The following RREB1 variants were observed in gnomAD, a reference collection of about 807,000 sequenced individuals.
The protein encoded by RREB1 is ras responsive element binding protein 1, also known as ras-responsive element-binding protein 1.
In RREB1, 27 loss-of-function variants were observed where a neutral mutation model predicts 117.8. That is an observed-to-expected ratio of 0.23 (90% CI 0.17 to 0.32). RREB1 has a LOEUF of 0.32. Ranked by LOEUF, RREB1 falls within the 10% of genes least tolerant of loss-of-function variation. The pLI is 1.00. For synonymous variants in RREB1, 1,298 were observed against 1,026.7 expected, an observed-to-expected ratio of 1.26 and a Z score of -5.05; for missense variants, 2,577 against 2,378.2, an observed-to-expected ratio of 1.08 and a Z score of -1.74.
At position 7,247,006 on chromosome 6, in the gene RREB1, C is replaced by G. The variant is rs556832534; in HGVS notation, c.4556C>G (p.Ala1519Gly). ...GCCCCGGGTGCCGGGGAGGCCCCGG[C>G]GGAAAAGCTCGCGGAGGAGACGGAG... ...ESAPGAGEAP[A>G]EKLAEETEGP... is the part of the protein sequence containing the mutation. The change falls in exon 12 of 13, where the codon GCG becomes GGG. Residue 1519 changes from alanine (A) to glycine (G), a missense_variant. Ala to Gly is a moderately conservative substitution (Grantham distance 60). Coordinates refer to ENST00000379938, the MANE Select transcript of RREB1 (RefSeq NM_001003699.4). 3.1e-4 allele frequency: 497 copies of G among 1,605,390 alleles called. 3 individuals carry two copies. In the South Asian group the frequency reaches 5.1e-3, roughly 17 times the overall value.
intron 1 of RREB1, among the ~76,000 whole-genome samples, chr6:7,111,510 T>A (rs1233562339): frequency 6.6e-6 from 1 of 152,222 alleles, no homozygotes; most frequent in Admixed American, 6.5e-5. Flanking sequence ...GGTCATAGGA[T>A]AAGGGTTGCT....
At chr6:7,215,423 C>T (rs960330481) in intron 8 of RREB1, 1 of 152,190 alleles carries the variant, frequency 6.6e-6, no homozygotes, top group African/African-American at 2.4e-5. Context: ...TGCACCTTGA[C>T]CTCCCAGGCT....
chr6:7,214,741 C>T (rs927895483), intron 8 of RREB1: 2 of 152,232 alleles, frequency 1.3e-5, no homozygotes, highest in Non-Finnish European at 2.9e-5. Flanking sequence ...GGATGCTACC[C>T]GCTTAGACTG....
rs753324096 is a variant in RREB1, at chr6:7,248,618, G to T, written c.4879G>T (p.Gly1627Trp). The change falls in exon 13 of 13, where the codon GGG becomes TGG. Residue 1627 changes from glycine (G) to tryptophan (W), a missense_variant. Transcript: ENST00000379938. ...HQKARHAKHH[G>W]KDSDKEERGE... ...GAAAGCCAGGCATGCCAAACACCAC[G>T]GGAAGGACAGCGACAAGGAAGAGCG... 6.2e-7 allele frequency: 1 copy of T among 1,614,250 alleles called. No individual in the cohort carries two copies.
Position 7,249,298 on chromosome 6 carries a change from A to G in RREB1, c.*330A>G, listed in dbSNP as rs1195757834. 1 of 289,394 alleles carries G rather than the reference A, an allele frequency of 3.5e-6. No individual in the cohort carries two copies. Among genetic ancestry groups the G allele is most frequent in the Non-Finnish European group, 6.4e-6 (1 of 155,172 alleles). 17.9% of individuals were successfully genotyped at this position (289,394 alleles called of 1,614,324 possible). ...TGAATTGTCTGGAGAGGACCTCTTC[A>G]TTTGAGCATTAGCGTTATTTTGTAT... is the stretch of plus-strand genomic sequence containing the variant. On this transcript the variant is annotated 3_prime_UTR_variant, in exon 13 of 13. Coordinates refer to ENST00000379938, the MANE Select transcript of RREB1 (RefSeq NM_001003699.4).
chr6:7,114,845 C>T (rs1049612999), intron 1 of RREB1, among the ~76,000 whole-genome samples: 6 of 152,158 alleles, frequency 3.9e-5, no homozygotes, highest in African/African-American at 1.4e-4. Flanking sequence ...TCATCTACTT[C>T]TAAAACAAAC....
intron 6 of RREB1, among the ~76,000 whole-genome samples, chr6:7,210,128 A>G (rs1766502717): frequency 6.6e-6 from 1 of 152,248 alleles, no homozygotes; most frequent in African/African-American, 2.4e-5. Context: ...GTAGACATGC[A>G]CATATTTTAT....
chr6:7,171,310 G>A (rs1396971639), intron 1 of RREB1, among the ~76,000 whole-genome samples: 1 of 152,178 alleles, frequency 6.6e-6, no homozygotes, highest in East Asian at 1.9e-4. Context: ...GGTGAAGGGG[G>A]AGGAGAGCAC....
chr6:7,120,754 C>A (rs1303254564), intron 1 of RREB1, among the ~76,000 whole-genome samples: 3 of 151,546 alleles, frequency 2.0e-5, no homozygotes, highest in Non-Finnish European at 4.4e-5. Context: ...CCAAGTGATC[C>A]TCCCACCTCA....
intron 8 of RREB1, chr6:7,218,613 T>G (rs1341388624): frequency 1.3e-5 from 2 of 152,180 alleles, no homozygotes; most frequent in Non-Finnish European, 2.9e-5. Flanking sequence ...GGCTACAGAT[T>G]GCAGATTCCC....
intron 1 of RREB1, among the ~76,000 whole-genome samples, chr6:7,166,074 C>A (rs1763913820): frequency 6.6e-6 from 1 of 152,132 alleles, no homozygotes; most frequent in South Asian, 2.1e-4. Context: ...CAGTTAGACC[C>A]CCCAGGGAGT....
intron 1 of RREB1, among the ~76,000 whole-genome samples, chr6:7,155,364 T>A (rs942159653): frequency 6.6e-6 from 1 of 152,232 alleles, no homozygotes; most frequent in African/African-American, 2.4e-5. Flanking sequence ...TGGAGTGCAG[T>A]GGCACGATCT....
intron 2 of RREB1, among the ~76,000 whole-genome samples, chr6:7,179,573 G>A (rs1325671731): frequency 6.6e-6 from 1 of 152,128 alleles, no homozygotes; most frequent in East Asian, 1.9e-4. Context: ...AAAGAAGGAG[G>A]TGAGTTCAGT....
Position 7,229,653 on chromosome 6 carries a change from G to C in RREB1, c.1554G>C (p.Val518=). 6.2e-7 allele frequency: 1 copy of C among 1,612,264 alleles called. No individual in the cohort carries two copies. Among genetic ancestry groups the C allele is most frequent in the South Asian group, 1.1e-5 (1 of 90,910 alleles). ...AGCCCCTGGTCACACCACGGACGGTGGTGGCCACCTCCACGCCCCCGCCTC... is the reference window on the plus strand; with the variant it reads ...AGCCCCTGGTCACACCACGGACGGTCGTGGCCACCTCCACGCCCCCGCCTC... ...KPKPLVTPRT[V]VATSTPPPLI... is the part of the protein sequence containing the mutation. The change falls in exon 10 of 13, where the codon GTG becomes GTC. Residue 518 remains valine (V), a synonymous_variant. Coordinates refer to ENST00000379938, the MANE Select transcript of RREB1 (RefSeq NM_001003699.4). This position sits in a 1 kb window ranked among gnomAD's most constrained non-coding sequence, Gnocchi z 4.5.
intron 4 of RREB1, chr6:7,183,522 C>G (rs1376915113): frequency 6.6e-6 from 1 of 152,194 alleles, no homozygotes; most frequent in African/African-American, 2.4e-5. Context: ...AGCTTTTCCT[C>G]AAATAGCTCT....
Position 7,158,333 on chromosome 6 carries a change from C to G in RREB1, c.-284-18322C>G, listed in dbSNP as rs567439236. 5.9e-5 allele frequency among the ~76,000 whole-genome samples: 9 copies of G among 152,214 alleles called. No homozygotes were observed. The East Asian group carries it at 1.7e-3, about 29-fold the overall frequency. ...TTTGTTCCCGTTTGTAGGCAGGTCTCCCTCCCCTGCAATCCCATACCATGT... is the reference window on the plus strand; with the variant it reads ...TTTGTTCCCGTTTGTAGGCAGGTCTGCCTCCCCTGCAATCCCATACCATGT... On this transcript the variant is annotated intron_variant, in intron 1 of 12. Coordinates refer to ENST00000379938, the MANE Select transcript of RREB1 (RefSeq NM_001003699.4).
At chr6:7,166,839 T>C (rs1005340158) in intron 1 of RREB1, among the ~76,000 whole-genome samples, 3 of 152,186 alleles carry the variant, frequency 2.0e-5, no homozygotes, top group African/African-American at 7.2e-5. Flanking sequence ...CCGTTGCTGC[T>C]GCACCCTTTC....
rs1178170826 is a variant in RREB1 at position 7,246,455 on chromosome 6, C to T, written c.4005C>T (p.Ala1335=). The change falls in exon 12 of 13, where the codon GCC becomes GCT. Residue 1335 remains alanine, a synonymous_variant. Transcript: ENST00000379938. ...AGTCGGATGCGGAGACTGCAGCCGCCGCGGGCGAAGTGCTAGACCTCACCT... is the reference window on the plus strand; with the variant it reads ...AGTCGGATGCGGAGACTGCAGCCGCTGCGGGCGAAGTGCTAGACCTCACCT... ...DSQSDAETAA[A]AGEVLDLTSR... The T allele has an allele frequency of 2.7e-6, 4 of 1,508,300 alleles. No individual in the cohort carries two copies. The highest frequency in any genetic ancestry group is 1.4e-5 in the African/African-American group (1 of 72,282). The allele number at this position is 1,508,300 out of a possible 1,614,324, so 93.4% of individuals were successfully genotyped here. A position where few individuals can be genotyped will look rare whatever the true frequency, so the allele number is the denominator to read the frequency against.
intron 1 of RREB1, among the ~76,000 whole-genome samples, chr6:7,111,557 G>A (rs1761147402): frequency 6.6e-6 from 1 of 152,176 alleles, no homozygotes; most frequent in African/African-American, 2.4e-5. Flanking sequence ...ATTAACCAAA[G>A]CATTTTTGAA....
Sources: gnomAD v4.1 joint callset for allele counts (sites outside exome capture counted in the v4.1 genomes callset) on GRCh38, gnomAD v4.1.1 for gene constraint, Gnocchi (gnomAD v3.1) non-coding constraint, MANE v1.5 for transcripts, NCBI Gene and HGNC (gene_info 2026-07-23, HGNC 2026-07-21) for gene names.